Variants in UGT2B4 observed in about 807,000 individuals in gnomAD.
UGT2B4 encodes UDP glucuronosyltransferase family 2 member B4.
In UGT2B4, 49 loss-of-function variants were observed where a neutral mutation model predicts 49.8. The ratio of observed to expected loss-of-function variants is 0.98; its 90% CI spans 0.78 to 1.25. UGT2B4 has a LOEUF of 1.25. Ranked by LOEUF, UGT2B4 falls within the 50% of genes most tolerant of loss-of-function variation. The pLI is 0.00. For missense variants in UGT2B4, 729 were observed against 627.7 expected (o/e 1.16, Z -1.73); for synonymous variants, 246 against 217.7 (o/e 1.13, Z -1.14).
intron 1 of UGT2B4, among the ~76,000 whole-genome samples, chr4:69,494,803 C>A (rs1302206893): frequency 6.6e-6 from 1 of 152,076 alleles, no homozygotes. Flanking sequence ...AGTATGCATT[C>A]AGCAAGATGT....
chr4:69,488,760 C>T (rs2013573), intron 3 of UGT2B4, among the ~76,000 whole-genome samples: 21,014 of 151,858 alleles, frequency 0.14, 1,955 homozygotes, highest in Non-Finnish European at 0.21. Flanking sequence ...GATCCATCTC[C>T]ACCCTTTCTC....
At chr4:69,510,615 C>T (rs1216824396) in intron 1 of UGT2B4, among the ~76,000 whole-genome samples, 1 of 151,692 alleles carries the variant, frequency 6.6e-6, no homozygotes, top group Non-Finnish European at 1.5e-5. Flanking sequence ...TTCTTAATTC[C>T]TTTTTCTAAT....
intron 1 of UGT2B4, among the ~76,000 whole-genome samples, chr4:69,512,748 G>A (rs544186408): frequency 6.6e-6 from 1 of 151,820 alleles, no homozygotes; most frequent in African/African-American, 2.4e-5. Flanking sequence ...GTTTTGTTTT[G>A]TTTTGTTTGA....
chr4:69,486,570 GT>G, intron 4 of UGT2B4, 38 bp downstream of exon 4: 5 of 1,360,774 alleles, frequency 3.7e-6, no homozygotes, highest in Non-Finnish European at 5.1e-6. Flanking sequence ...TTAATAATCT[GT>G]TACTAATATA....
chr4:69,498,864 T>C (rs896634807), upstream of UGT2B4, among the ~76,000 whole-genome samples: 1 of 152,186 alleles, frequency 6.6e-6, no homozygotes, highest in Non-Finnish European at 1.5e-5. Context: ...TTCTATCTCC[T>C]TCAGCACCAC....
rs780480606 is a variant in UGT2B4, at chr4:69,485,331, A to G, written c.1187T>C (p.Phe396Ser). The G allele has an allele frequency of 1.4e-5, 22 of 1,613,966 alleles. No individual in the cohort carries two copies. Among genetic ancestry groups the G allele is most frequent in the Middle Eastern group, 1.6e-4 (1 of 6,082 alleles). Residue 396 changes from phenylalanine (F) to serine (S), a missense_variant, in exon 5 of 6, where the codon TTT (phenylalanine) becomes TCT (serine). Transcript: ENST00000305107. ...HGIPMVGVPL[F>S]ADQPDNIAHM... Reference sequence around the variant, plus strand: ...TGCAATGTTATCAGGTTGATCTGCAAACAATGGAACGCCCACCATAGGGAT... The same window carrying G: ...TGCAATGTTATCAGGTTGATCTGCAGACAATGGAACGCCCACCATAGGGAT...
At chr4:69,523,388 G>C (rs1321807147) in intron 1 of UGT2B4, among the ~76,000 whole-genome samples, 2 of 152,010 alleles carry the variant, frequency 1.3e-5, no homozygotes, top group East Asian at 3.9e-4. Flanking sequence ...AATGTTATCA[G>C]GCATGAAAAT....
chr4:69,510,461 T>G (rs1021570080), intron 1 of UGT2B4, among the ~76,000 whole-genome samples: 4 of 152,084 alleles, frequency 2.6e-5, no homozygotes, highest in African/African-American at 4.8e-5. Context: ...ATAGCATGAA[T>G]GTTTAAACAG....
At chr4:69,501,069 G>A (rs1165711084) in intron 1 of UGT2B4, among the ~76,000 whole-genome samples, 1 of 152,144 alleles carries the variant, frequency 6.6e-6, no homozygotes, top group Non-Finnish European at 1.5e-5. Context: ...ACACCTCACA[G>A]GATAAGACCC....
chr4:69,495,983 TTA>T, upstream of UGT2B4: 1 of 1,436,402 alleles, frequency 7.0e-7, no homozygotes, highest in Admixed American at 2.4e-5. Flanking sequence ...AGTAAATACA[TTA>T]TATTAACAGT....
At chr4:69,522,078 G>A (rs1336313994) in intron 1 of UGT2B4, among the ~76,000 whole-genome samples, 1 of 152,132 alleles carries the variant, frequency 6.6e-6, no homozygotes, top group Non-Finnish European at 1.5e-5. Flanking sequence ...GTAATTAACT[G>A]ATGTTTACTG....
At chr4:69,505,112 CA>C (rs1244999866) in intron 1 of UGT2B4, among the ~76,000 whole-genome samples, 1 of 152,144 alleles carries the variant, frequency 6.6e-6, no homozygotes, top group Non-Finnish European at 1.5e-5. Flanking sequence ...CCAACCATTA[CA>C]AAAGCACACT....
At chr4:69,507,362 T>C (rs1728500628) in intron 1 of UGT2B4, among the ~76,000 whole-genome samples, 1 of 152,154 alleles carries the variant, frequency 6.6e-6, no homozygotes, top group African/African-American at 2.4e-5. Context: ...GGTGATAATT[T>C]CAGAGAAGTC....
At chr4:69,518,823 C>T (rs1237471189) in intron 1 of UGT2B4, among the ~76,000 whole-genome samples, 1 of 152,076 alleles carries the variant, frequency 6.6e-6, no homozygotes, top group South Asian at 2.1e-4. Flanking sequence ...AATAAAAATA[C>T]ATTTCAAGAC....
intron 5 of UGT2B4, among the ~76,000 whole-genome samples, chr4:69,481,396 C>G (rs1444048415): frequency 6.6e-6 from 1 of 152,142 alleles, no homozygotes; most frequent in Non-Finnish European, 1.5e-5. Flanking sequence ...TTTGAGTCAT[C>G]ATAGAAAGTT....
chr4:69,505,164 A>G (rs1459914484), intron 1 of UGT2B4, among the ~76,000 whole-genome samples: 1 of 152,162 alleles, frequency 6.6e-6, no homozygotes, highest in East Asian at 1.9e-4. Context: ...AACCACATAC[A>G]CAAGTCTACA....
At chr4:69,482,873 CT>C (rs910991127) in intron 5 of UGT2B4, among the ~76,000 whole-genome samples, 74 of 146,542 alleles carry the variant, frequency 5.0e-4, no homozygotes, top group South Asian at 1.1e-3. Flanking sequence ...CCCAAAGTGT[CT>C]TTTTTTTTTA....
intron 1 of UGT2B4, among the ~76,000 whole-genome samples, chr4:69,501,215 T>C (rs150293725): frequency 5.7e-4 from 82 of 144,548 alleles, no homozygotes; most frequent in Non-Finnish European, 9.5e-4. Context: ...TGTTCTGCCA[T>C]TTGAGCTTTG....
At position 69,509,241 on chromosome 4, in the gene UGT2B4, G is replaced by C. The variant is rs549483747; in HGVS notation, c.-105-13275C>G. On this transcript the variant is annotated intron_variant, in intron 1 of 1. Coordinates refer to the UGT2B4 transcript ENST00000510114. ...ACTGGCAATGCAGTGGCAGGATCTC[G>C]GCTCACTGCAACCTCCGCCTCCCAG... 9.2e-5 allele frequency among the ~76,000 whole-genome samples: 13 copies of C among 141,574 alleles called. No homozygotes were observed. The East Asian group carries it at 2.7e-3, about 30-fold the overall frequency. 92.9% of individuals were successfully genotyped at this position (141,574 alleles called of 152,430 possible).
Sources: gnomAD v4.1 joint callset for allele counts (sites outside exome capture counted in the v4.1 genomes callset) on GRCh38, gnomAD v4.1.1 for gene constraint, MANE v1.5 for transcripts, NCBI Gene and HGNC (gene_info 2026-07-23, HGNC 2026-07-21) for gene names.